The following BLTP1 variants were observed in gnomAD, a reference collection of about 807,000 sequenced individuals.
BLTP1 encodes fragile site-associated protein.
chr4:122,198,035 T>C, the BLTP1 span: 2 of 984,986 alleles, frequency 2.0e-6, no homozygotes, highest in Non-Finnish European at 2.4e-6. Context: ...TATAATTCAT[T>C]TTTGTGTAAT....
At chr4:122,239,892 A>C in the BLTP1 span, 1 of 1,614,030 alleles carries the variant, frequency 6.2e-7, no homozygotes, top group South Asian at 1.1e-5. Flanking sequence ...ATTTGAGCCC[A>C]TTAGCAGTGA....
At chr4:122,223,889 G>C in the BLTP1 span, 948 of 492,400 alleles carry the variant, frequency 1.9e-3, 13 homozygotes, top group African/African-American at 0.018. Context: ...ATAATGTGTG[G>C]AACTAGTGTT....
the BLTP1 span, among the ~76,000 whole-genome samples, chr4:122,160,553 A>G: frequency 6.6e-6 from 1 of 152,242 alleles, no homozygotes; most frequent in Admixed American, 6.5e-5. Flanking sequence ...TCTGTATAGC[A>G]TCATAGAATT....
chr4:122,349,164 A>C, the BLTP1 span: 95 of 1,606,656 alleles, frequency 5.9e-5, no homozygotes, highest in Non-Finnish European at 7.9e-5. The surrounding 1 kb of genome is among the most constrained non-coding windows in gnomAD (Gnocchi z 4.5). Flanking sequence ...TTAGTTGGAC[A>C]ACTAGTGGTT....
At chr4:122,264,157 C>T in the BLTP1 span, 3 of 1,397,608 alleles carry the variant, frequency 2.1e-6, no homozygotes, top group Non-Finnish European at 2.8e-6. Context: ...AATGGTACTA[C>T]TATACAGGCT....
At chr4:122,162,306 G>C in the BLTP1 span, among the ~76,000 whole-genome samples, 2 of 152,162 alleles carry the variant, frequency 1.3e-5, no homozygotes, top group African/African-American at 4.8e-5. Flanking sequence ...GTCTTCTCAA[G>C]TGATAAGTAA....
the BLTP1 span, chr4:122,184,757 C>G: frequency 1.2e-5 from 12 of 984,796 alleles, no homozygotes; most frequent in African/African-American, 1.9e-4. Flanking sequence ...AGCATACTGC[C>G]TTTCTAAGCC....
the BLTP1 span, chr4:122,225,101 C>A: frequency 1.3e-6 from 1 of 797,324 alleles, no homozygotes; most frequent in Non-Finnish European, 1.5e-6. Flanking sequence ...TTGAAAGTAG[C>A]CCTTATGATA....
chr4:122,347,589 A>G, the BLTP1 span: 1 of 1,613,836 alleles, frequency 6.2e-7, no homozygotes, highest in South Asian at 1.1e-5. Context: ...AATCATCAAG[A>G]AAAGCTTACT....
At chr4:122,336,097 G>T in the BLTP1 span, 1 of 908,830 alleles carries the variant, frequency 1.1e-6, no homozygotes. Context: ...TTAAATGTGA[G>T]GTACTTTGCT....
chr4:122,182,898 G>A, the BLTP1 span: 1 of 984,990 alleles, frequency 1.0e-6, no homozygotes. Context: ...ACCTGTTAAA[G>A]ATTTTTATCA....
At chr4:122,333,668 A>G in the BLTP1 span, 1 of 1,610,654 alleles carries the variant, frequency 6.2e-7, no homozygotes. Context: ...ATCAAGATTC[A>G]CCTTCAAAAA....
chr4:122,304,273 A>G, the BLTP1 span, among the ~76,000 whole-genome samples: 1 of 152,122 alleles, frequency 6.6e-6, no homozygotes, highest in East Asian at 1.9e-4. Context: ...GTGCAGTTGC[A>G]TGATCTCGGC....
the BLTP1 span, chr4:122,290,876 CTATATAA>C: frequency 2.0e-5 from 3 of 146,606 alleles, no homozygotes; most frequent in African/African-American, 5.5e-5. Flanking sequence ...ATATAACATA[CTATATAA>C]TATATATTAT....
the BLTP1 span, chr4:122,333,481 T>C: frequency 2.7e-6 from 2 of 746,278 alleles, no homozygotes; most frequent in East Asian, 3.5e-5. Flanking sequence ...TGGGGTTGTT[T>C]GTTTTTTTCT....
chr4:122,163,908 C>G, the BLTP1 span, among the ~76,000 whole-genome samples: 2 of 152,220 alleles, frequency 1.3e-5, no homozygotes, highest in South Asian at 4.2e-4. Context: ...TTCTCCTTTC[C>G]CCTAATCTCT....
chr4:122,187,885 T>A, the BLTP1 span: 2 of 1,563,870 alleles, frequency 1.3e-6, no homozygotes, highest in Non-Finnish European at 1.7e-6. Context: ...GTTTATTTTT[T>A]TTTTTTTAGG....
At chr4:122,152,540 G>T in the BLTP1 span, 2 of 985,854 alleles carry the variant, frequency 2.0e-6, no homozygotes, top group Non-Finnish European at 2.4e-6. Context: ...GGCGTTCCCC[G>T]GAGAGAGGCC....
At chr4:122,160,798 C>G in the BLTP1 span, among the ~76,000 whole-genome samples, 330 of 152,236 alleles carry the variant, frequency 2.2e-3, 3 homozygotes, top group Non-Finnish European at 3.9e-3. Flanking sequence ...TTGGTATTTA[C>G]TGAGATATTT....
Sources: allele counts gnomAD v4.1 joint callset (sites outside exome capture counted in the v4.1 genomes callset), GRCh38; gene constraint gnomAD v4.1.1; non-coding constraint Gnocchi (gnomAD v3.1); transcripts MANE v1.5; gene names NCBI Gene and HGNC (gene_info 2026-07-23, HGNC 2026-07-21).